Variants in USP48 observed in about 807,000 individuals in gnomAD.
The protein encoded by USP48 is ubiquitin carboxyl-terminal hydrolase 48.
Under a neutral mutation model 150.7 loss-of-function variants are expected in USP48, and 43 were observed. The ratio of observed to expected loss-of-function variants is 0.29; its 90% CI spans 0.22 to 0.37. USP48 has a LOEUF of 0.37. Among genes scored for constraint, USP48 ranks in the 10% least tolerant of loss-of-function variants. USP48 has a pLI of 1.00. For missense variants in USP48, 813 were observed against 1,249.6 expected, an observed-to-expected ratio of 0.65 and a Z score of 5.27; for synonymous variants, 396 against 425.9, an observed-to-expected ratio of 0.93 and a Z score of 0.86.
At chr1:21,756,988 G>A (rs1157288367) in intron 2 of USP48, 12 of 985,212 alleles carry the variant, frequency 1.2e-5, no homozygotes, top group African/African-American at 1.7e-5. Context: ...GTGGATTCTA[G>A]AAAAGATCGG....
chr1:21,753,156 G>A, intron 3 of USP48, 37 bp from the exon 4 acceptor site: 2 of 1,574,244 alleles, frequency 1.3e-6, no homozygotes, highest in East Asian at 2.3e-5. Flanking sequence ...GGTTTTTTAA[G>A]GTGCTACTTT....
chr1:21,765,234 A>G (rs142739508), intron 1 of USP48, among the ~76,000 whole-genome samples: 22 of 152,320 alleles, frequency 1.4e-4, no homozygotes, highest in African/African-American at 5.1e-4. Flanking sequence ...TGTTAGGCAG[A>G]GGATAGGTTC....
chr1:21,729,959 C>A, intron 9 of USP48, 127 bp from the exon 10 acceptor site: 1 of 1,147,140 alleles, frequency 8.7e-7, no homozygotes, highest in Non-Finnish European at 1.2e-6. Flanking sequence ...CTAAAACATT[C>A]AAAGGCCATA....
At chr1:21,772,918 T>A in intron 1 of USP48, among the ~76,000 whole-genome samples, 1 of 135,566 alleles carries the variant, frequency 7.4e-6, no homozygotes, top group Non-Finnish European at 1.6e-5. Flanking sequence ...CAAGACTCTG[T>A]CTCAAAAAAA....
chr1:21,752,675 G>GAAA (rs1265192552), intron 4 of USP48, 24 bp from the exon 5 acceptor site: 2 of 1,570,840 alleles, frequency 1.3e-6, no homozygotes, highest in Admixed American at 4.2e-5. Context: ...TTAATGAAAA[G>GAAA]AAAAATCATA....
At chr1:21,751,241 A>G (rs1440890402) in intron 6 of USP48, among the ~76,000 whole-genome samples, 7 of 152,196 alleles carry the variant, frequency 4.6e-5, no homozygotes. Context: ...TTCTTTCAAT[A>G]CCCCACTACC....
At chr1:21,726,739 T>A (rs2097738301) in intron 11 of USP48, among the ~76,000 whole-genome samples, 1 of 152,186 alleles carries the variant, frequency 6.6e-6, no homozygotes, top group South Asian at 2.1e-4. Context: ...AGACTCTAAG[T>A]AGGCCCCTCA....
At chr1:21,692,549 G>A (rs896247432) in intron 23 of USP48, among the ~76,000 whole-genome samples, 2 of 152,216 alleles carry the variant, frequency 1.3e-5, no homozygotes, top group Non-Finnish European at 2.9e-5. Context: ...CTAAGGGGCT[G>A]ACGTTCACAC....
intron 7 of USP48, 68 bp downstream of exon 7, chr1:21,748,070 A>G (rs2097799800): frequency 7.1e-7 from 1 of 1,402,914 alleles, no homozygotes; most frequent in Admixed American, 2.6e-5. Flanking sequence ...TTATCATCTC[A>G]TCTATGGTAA....
At chr1:21,717,660 T>C (rs1424937678) in intron 14 of USP48, among the ~76,000 whole-genome samples, 1 of 151,962 alleles carries the variant, frequency 6.6e-6, no homozygotes, top group East Asian at 1.9e-4. Flanking sequence ...ATCAGGCTGA[T>C]AAAAACTGAT....
chr1:21,705,952 A>C, intron 18 of USP48, 115 bp from the exon 19 acceptor site: 1 of 1,060,544 alleles, frequency 9.4e-7, no homozygotes, highest in South Asian at 1.8e-5. Flanking sequence ...TTAGTAATTC[A>C]ATGTGTTTCT....
chr1:21,764,783 A>G (rs887172861), intron 1 of USP48, among the ~76,000 whole-genome samples: 2 of 151,686 alleles, frequency 1.3e-5, no homozygotes, highest in African/African-American at 4.8e-5. Context: ...GGAGATTAGC[A>G]ACCTTTAGTC....
At chr1:21,705,609 G>C in intron 19 of USP48, 118 bp downstream of exon 19, 1 of 708,752 alleles carries the variant, frequency 1.4e-6, no homozygotes, top group Non-Finnish European at 2.2e-6. Context: ...CCACAATTCA[G>C]CAAAGGACTA....
In USP48 at chr1:21,757,762, C is replaced by G; in HGVS notation, c.156G>C (p.Pro52=). 11 of 1,605,048 alleles carry G rather than the reference C, an allele frequency of 6.9e-6. No homozygotes were observed. The highest frequency in any genetic ancestry group is 9.3e-6 in the Non-Finnish European group (11 of 1,177,040). Residue 52 remains proline (P), a synonymous_variant, in exon 2 of 27, where the codon CCG becomes CCC. Transcript: ENST00000308271. ...GVCRRNCKGN[P]NCLVGIGEHI... Reference sequence around the variant, plus strand: ...GCTCACCAATACCAACCAAGCAATTCGGATTTCCTTTGCAGTTTCGTCTAA... The same window carrying G: ...GCTCACCAATACCAACCAAGCAATTGGGATTTCCTTTGCAGTTTCGTCTAA...
Position 21,733,174 on chromosome 1 carries a change from G to C in USP48, c.1171+3272C>G, listed in dbSNP as rs866760154. ...CTCACGCCTGTAATCCTAGCACTTTGGGAGGCCGAGGCAGGCGGATCACTT... is the reference window on the plus strand; with the variant it reads ...CTCACGCCTGTAATCCTAGCACTTTCGGAGGCCGAGGCAGGCGGATCACTT... On this transcript the variant is annotated intron_variant, in intron 9 of 26. Transcript: ENST00000308271. 3.7e-4 allele frequency among the ~76,000 whole-genome samples: 57 copies of C among 152,110 alleles called. 1 individual carries two copies. Among genetic ancestry groups the C allele is most frequent in the African/African-American group, 1.1e-3 (47 of 41,416 alleles).
chr1:21,782,833 C>T lies in USP48; in HGVS notation c.125G>A (p.Gly42Asp), dbSNP rs867810110. Reference protein sequence around the residue: ...YRIWLEPCIRGVCRRNCKGNP... With the variant: ...YRIWLEPCIRDVCRRNCKGNP... The stretch of plus-strand genomic sequence containing the variant: ...GGTGCGCGGGCCTCACCTGCACACG[C>T]CGCGAATGCAGGGCTCCAGCCAGAT... Residue 42 changes from glycine (G) to aspartate (D), a missense_variant, in exon 1 of 27, where the codon GGC becomes GAC. By Grantham distance (94) the Gly-to-Asp change is moderately conservative (BLOSUM62 -1). Coordinates refer to ENST00000308271, the MANE Select transcript of USP48 (RefSeq NM_032236.8). 1.3e-6 allele frequency: 2 copies of T among 1,555,020 alleles called. No homozygotes were observed. Among genetic ancestry groups the T allele is most frequent in the African/African-American group, 1.4e-5 (1 of 72,490 alleles).
intron 21 of USP48, among the ~76,000 whole-genome samples, chr1:21,702,463 T>C (rs1308571929): frequency 6.6e-6 from 1 of 151,806 alleles, no homozygotes; most frequent in Non-Finnish European, 1.5e-5. Context: ...CCCAAACATA[T>C]CCAATCAATT....
intron 9 of USP48, among the ~76,000 whole-genome samples, chr1:21,731,681 G>C (rs1270032469): frequency 1.3e-5 from 2 of 151,848 alleles, no homozygotes; most frequent in East Asian, 2.0e-4. Context: ...AGGAGTTCGA[G>C]GCCAGCCTGG....
chr1:21,779,615 C>G (rs761679324), intron 1 of USP48, among the ~76,000 whole-genome samples: 7 of 152,054 alleles, frequency 4.6e-5, no homozygotes, highest in Non-Finnish European at 7.4e-5. Flanking sequence ...ACTTCTTGCT[C>G]TATAACCAAG....
Sources: gnomAD v4.1 joint callset for allele counts (sites outside exome capture counted in the v4.1 genomes callset) on GRCh38, gnomAD v4.1.1 for gene constraint, MANE v1.5 for transcripts, NCBI Gene and HGNC (gene_info 2026-07-23, HGNC 2026-07-21) for gene names.